RSRC1: variants seen among roughly 807,000 people sequenced by gnomAD.
The protein encoded by RSRC1 is serine/Arginine-related protein 53.
Under a neutral mutation model 49.1 loss-of-function variants are expected in RSRC1, and 39 were observed. The observed-to-expected ratio is 0.79, with a 90% CI of 0.61 to 1.04. The LOEUF is 1.04. Among genes scored for constraint, RSRC1 ranks in the 50% least tolerant of loss-of-function variants. The pLI is 0.00. For synonymous variants in RSRC1, 143 were observed against 130.8 expected, an observed-to-expected ratio of 1.09 and a Z score of -0.63; for missense variants, 388 against 402.4, an observed-to-expected ratio of 0.96 and a Z score of 0.31.
chr3:158,211,466 A>G (rs994669781), intron 4 of RSRC1, among the ~76,000 whole-genome samples: 4 of 151,990 alleles, frequency 2.6e-5, no homozygotes, highest in Non-Finnish European at 4.4e-5. Context: ...AACGTAATAG[A>G]TTCAAAACTA....
At chr3:158,271,923 T>C (rs964858459) in intron 4 of RSRC1, among the ~76,000 whole-genome samples, 1 of 152,172 alleles carries the variant, frequency 6.6e-6, no homozygotes, top group African/African-American at 2.4e-5. Context: ...ATATTAGTCT[T>C]TTGAGTATAA....
intron 5 of RSRC1, among the ~76,000 whole-genome samples, chr3:158,354,070 C>T (rs1340857997): frequency 7.6e-6 from 1 of 131,192 alleles, no homozygotes; most frequent in Non-Finnish European, 1.5e-5. Flanking sequence ...GATCTTGGCT[C>T]ACTGCAACCT....
In RSRC1 at chr3:158,539,538, A is replaced by G. The variant is rs1483961307; in HGVS notation, c.759+2340A>G. Among the ~76,000 whole-genome samples the G allele has an allele frequency of 6.6e-6, 1 of 152,062 alleles. No individual in the cohort carries two copies. Among genetic ancestry groups the G allele is most frequent in the Non-Finnish European group, 1.5e-5 (1 of 67,960 alleles). ...CCACCTGTGTTCAAAAGAAGGGTAAATACCCCTATGCAGCATGGTCTTTTG... is the reference window on the plus strand; with the variant it reads ...CCACCTGTGTTCAAAAGAAGGGTAAGTACCCCTATGCAGCATGGTCTTTTG... On this transcript the variant is annotated intron_variant, in intron 8 of 9. Coordinates refer to ENST00000611884, the MANE Select transcript of RSRC1 (RefSeq NM_001271838.2). The surrounding 1 kb of genome is among the most constrained non-coding windows in gnomAD (Gnocchi z 4.1).
chr3:158,144,740 C>T (rs1274959244), intron 3 of RSRC1, among the ~76,000 whole-genome samples: 4 of 152,166 alleles, frequency 2.6e-5, no homozygotes, highest in Non-Finnish European at 5.9e-5. Flanking sequence ...AACTAGTTTA[C>T]AGTCCCCCCA....
chr3:158,474,957 C>T (rs1738303863), intron 7 of RSRC1, among the ~76,000 whole-genome samples: 2 of 152,044 alleles, frequency 1.3e-5, no homozygotes, highest in South Asian at 4.2e-4. Context: ...GCTTAGTTGC[C>T]CAGCTGAAAT....
intron 4 of RSRC1, among the ~76,000 whole-genome samples, chr3:158,289,580 A>G (rs1025186312): frequency 5.3e-5 from 8 of 152,206 alleles, no homozygotes; most frequent in African/African-American, 1.7e-4. Flanking sequence ...CTACTTGTAA[A>G]ATGCAAACAT....
chr3:158,245,670 C>A (rs753242372), intron 4 of RSRC1, among the ~76,000 whole-genome samples: 6 of 152,140 alleles, frequency 3.9e-5, no homozygotes, highest in Non-Finnish European at 8.8e-5. Context: ...CTTTGAAGAT[C>A]TCTGACCCCT....
chr3:158,464,507 G>C (rs897207369), intron 7 of RSRC1, among the ~76,000 whole-genome samples: 1 of 152,124 alleles, frequency 6.6e-6, no homozygotes, highest in Non-Finnish European at 1.5e-5. Context: ...CATGGGAATG[G>C]TGGACAGTGA....
chr3:158,273,887 C>G (rs769157781), intron 4 of RSRC1, among the ~76,000 whole-genome samples: 3 of 152,052 alleles, frequency 2.0e-5, no homozygotes, highest in Non-Finnish European at 4.4e-5. Flanking sequence ...TCTTTCTCAT[C>G]GTAGTTGCTT....
chr3:158,405,984 A>G (rs1560028252), intron 6 of RSRC1, among the ~76,000 whole-genome samples: 2 of 152,234 alleles, frequency 1.3e-5, no homozygotes, highest in South Asian at 4.1e-4. Context: ...ATTTATGTCA[A>G]TAAGCTTATA....
At chr3:158,339,879 G>C (rs1390588557) in intron 5 of RSRC1, among the ~76,000 whole-genome samples, 2 of 152,200 alleles carry the variant, frequency 1.3e-5, no homozygotes, top group South Asian at 2.1e-4. Flanking sequence ...GGAAGACAGA[G>C]CAGGAAATTG....
chr3:158,365,086 A>T (rs1433472670), intron 6 of RSRC1, among the ~76,000 whole-genome samples: 1 of 152,128 alleles, frequency 6.6e-6, no homozygotes, highest in Non-Finnish European at 1.5e-5. Flanking sequence ...TGTCCTCCTC[A>T]TACCAGTATG....
In RSRC1 at chr3:158,360,673, G is replaced by A. The variant is rs190759691; in HGVS notation, c.583+5765G>A. ...TGCATGCAGTGTGCACATACCTGGC[G>A]GGGCTGTGACAGCACCTAGGCTTGG... On this transcript the variant is annotated intron_variant, in intron 6 of 9. Coordinates refer to ENST00000611884, the MANE Select transcript of RSRC1 (RefSeq NM_001271838.2). Among the ~76,000 whole-genome samples the A allele has an allele frequency of 5.0e-3, 763 of 152,332 alleles. 3 individuals are homozygous for A. The highest frequency in any genetic ancestry group is 0.017 in the African/African-American group (721 of 41,586).
intron 3 of RSRC1, chr3:158,136,622 C>G (rs1716393041): frequency 6.6e-6 from 1 of 151,714 alleles, no homozygotes; most frequent in South Asian, 2.1e-4. Flanking sequence ...GGTGAGGGAG[C>G]TAAGACTAGG....
At chr3:158,498,048 T>C (rs921445815) in intron 7 of RSRC1, among the ~76,000 whole-genome samples, 1 of 152,226 alleles carries the variant, frequency 6.6e-6, no homozygotes, top group Non-Finnish European at 1.5e-5. Flanking sequence ...AGTATCTTTT[T>C]CATATAATGA....
chr3:158,216,341 A>G (rs1721941597), intron 4 of RSRC1, among the ~76,000 whole-genome samples: 2 of 151,224 alleles, frequency 1.3e-5, no homozygotes, highest in South Asian at 4.2e-4. Flanking sequence ...TAATCTGCTA[A>G]GTGTATCTGT....
intron 6 of RSRC1, among the ~76,000 whole-genome samples, chr3:158,424,365 A>G (rs1226622163): frequency 2.0e-5 from 3 of 151,940 alleles, no homozygotes; most frequent in African/African-American, 4.8e-5. Flanking sequence ...GGTTCTGTTT[A>G]TATGCTGGAT....
At chr3:158,436,860 GTAT>G in intron 6 of RSRC1, among the ~76,000 whole-genome samples, 1 of 151,998 alleles carries the variant, frequency 6.6e-6, no homozygotes, top group East Asian at 1.9e-4. Context: ...TATGATGGAA[GTAT>G]TATTATCAAT....
intron 6 of RSRC1, among the ~76,000 whole-genome samples, chr3:158,399,145 TTTTTTTTTTTTTTTTTTTTTTTTTTTTG>T (rs1733771988): frequency 9.6e-5 from 1 of 10,440 alleles, no homozygotes; most frequent in East Asian, 1.1e-3. Context: ...TTTTTTTTTT[TTTTTTTTTTTTTTTTTTTTTTTTTTTTG>T]AGACGGAGTC....
Sources: gnomAD v4.1 joint callset for allele counts (sites outside exome capture counted in the v4.1 genomes callset) on GRCh38, gnomAD v4.1.1 for gene constraint, Gnocchi (gnomAD v3.1) non-coding constraint, MANE v1.5 for transcripts, NCBI Gene and HGNC (gene_info 2026-07-23, HGNC 2026-07-21) for gene names.